DLC1: variants seen among roughly 807,000 people sequenced by gnomAD.
The protein encoded by DLC1 is rho GTPase-activating protein 7.
A neutral mutation model predicts 140.3 loss-of-function variants in DLC1; 54 were observed. That is an observed-to-expected ratio of 0.38 (90% CI 0.31 to 0.48). The LOEUF is 0.48. Ranked by LOEUF, DLC1 falls within the 20% of genes least tolerant of loss-of-function variation. The probability of loss-of-function intolerance (pLI) is 0.96; values close to 1 mark genes in which losing one functional copy is unlikely to be tolerated. For missense variants in DLC1, 2,536 were observed against 1,907.0 expected, an observed-to-expected ratio of 1.33 and a Z score of -6.14; for synonymous variants, 986 against 728.1, an observed-to-expected ratio of 1.35 and a Z score of -5.70.
intron 5 of DLC1, among the ~76,000 whole-genome samples, chr8:13,248,778 A>T (rs978884121): frequency 1.8e-4 from 28 of 151,820 alleles, no homozygotes; most frequent in African/African-American, 6.8e-4. Context: ...TTGAACACGC[A>T]TTCTCCATTC....
intron 5 of DLC1, among the ~76,000 whole-genome samples, chr8:13,293,365 G>A (rs986808414): frequency 3.3e-5 from 5 of 152,200 alleles, no homozygotes; most frequent in African/African-American, 9.6e-5. Flanking sequence ...TGTAAGCTAC[G>A]ATGGCACTGA....
chr8:13,571,917 G>A (rs1219321423), intron 1 of DLC1, among the ~76,000 whole-genome samples: 1 of 152,032 alleles, frequency 6.6e-6, no homozygotes, highest in African/African-American at 2.4e-5. Flanking sequence ...TTGTGGAGTG[G>A]CATCTCATTG....
At chr8:13,234,033 C>A (rs17188488) in intron 5 of DLC1, among the ~76,000 whole-genome samples, 9,320 of 152,176 alleles carry the variant, frequency 0.061, 360 homozygotes, top group South Asian at 0.14. Flanking sequence ...ACAGAGTATG[C>A]ACAAGTCCAT....
intron 1 of DLC1, among the ~76,000 whole-genome samples, chr8:13,596,733 T>C (rs1322566367): frequency 6.6e-6 from 1 of 151,972 alleles, no homozygotes; most frequent in East Asian, 1.9e-4. Flanking sequence ...CCCTGGCATA[T>C]GGGCCTAAAA....
At chr8:13,555,594 C>T (rs886565116) in intron 1 of DLC1, among the ~76,000 whole-genome samples, 1 of 151,966 alleles carries the variant, frequency 6.6e-6, no homozygotes, top group Non-Finnish European at 1.5e-5. Context: ...TGGGTACAAG[C>T]GATTCTCCTG....
chr8:13,245,527 C>T (rs897264157), intron 5 of DLC1, among the ~76,000 whole-genome samples: 4 of 152,184 alleles, frequency 2.6e-5, no homozygotes, highest in Non-Finnish European at 5.9e-5. Flanking sequence ...CTCACCCTCT[C>T]ATTCTTCCTT....
At chr8:13,509,762 G>T (rs1009055152) in intron 1 of DLC1, among the ~76,000 whole-genome samples, 1 of 152,068 alleles carries the variant, frequency 6.6e-6, no homozygotes, top group African/African-American at 2.4e-5. Flanking sequence ...ATACTGGTGG[G>T]CAGGAATTGT....
At chr8:13,219,468 G>T (rs1051815721) in intron 5 of DLC1, among the ~76,000 whole-genome samples, 2 of 96,736 alleles carry the variant, frequency 2.1e-5, no homozygotes, top group Non-Finnish European at 4.4e-5. Context: ...GAATAGAATT[G>T]CTGGGTCATA....
chr8:13,509,942 G>A (rs2117246602), intron 1 of DLC1, among the ~76,000 whole-genome samples: 1 of 152,196 alleles, frequency 6.6e-6, no homozygotes, highest in African/African-American at 2.4e-5. Context: ...TATAATATAT[G>A]TAAAACACTT....
At position 13,438,832 on chromosome 8, in the gene DLC1, A is replaced by G. The variant is rs1839236826; in HGVS notation, c.1024-37213T>C. On this transcript the variant is annotated intron_variant, in intron 2 of 17. Coordinates refer to ENST00000276297, the MANE Select transcript of DLC1 (RefSeq NM_182643.3). ...CCATCCACTCTGATTCACTGCACTT[A>G]TCAAGAGAAACGCAATATCCTTTGC... Among the ~76,000 whole-genome samples, 3 of 152,130 alleles carry G rather than the reference A, an allele frequency of 2.0e-5. No homozygotes were observed. The South Asian group carries it at 6.2e-4, about 32-fold the overall frequency.
At chr8:13,120,356 A>AAAAAAAAAAAAAATATATATAT in intron 5 of DLC1, among the ~76,000 whole-genome samples, 107 of 61,058 alleles carry the variant, frequency 1.8e-3, no homozygotes, top group African/African-American at 4.2e-3. Context: ...AAAAAAAAAA[A>AAAAAAAAAAAAAATATATATAT]ATATATATAT....
At chr8:13,538,016 A>C (rs1803351633) in intron 1 of DLC1, among the ~76,000 whole-genome samples, 1 of 152,154 alleles carries the variant, frequency 6.6e-6, no homozygotes, top group South Asian at 2.1e-4. Context: ...AATTACATCC[A>C]TTACTTTATG....
chr8:13,523,226 G>T (rs990876161), intron 1 of DLC1, among the ~76,000 whole-genome samples: 1 of 152,218 alleles, frequency 6.6e-6, no homozygotes, highest in African/African-American at 2.4e-5. Flanking sequence ...TGGCTCATGT[G>T]AAGGTAATGA....
chr8:13,413,883 T>G (rs1184342274), intron 2 of DLC1, among the ~76,000 whole-genome samples: 1 of 152,126 alleles, frequency 6.6e-6, no homozygotes, highest in Non-Finnish European at 1.5e-5. Context: ...TGTATAGCAA[T>G]GTGAGAACAG....
intron 5 of DLC1, among the ~76,000 whole-genome samples, chr8:13,150,025 G>A (rs1207220494): frequency 6.6e-6 from 1 of 152,212 alleles, no homozygotes; most frequent in Admixed American, 6.5e-5. Context: ...TCAGCCATTT[G>A]TCTCTGAAGG....
Position 13,095,175 on chromosome 8 carries a change from G to A in DLC1, c.3238C>T (p.Leu1080=). Residue 1080 remains leucine, a synonymous_variant, in exon 11 of 18, where the codon CTG becomes TTG. Transcript: ENST00000276297. ...YKDRSVFGVP[L]TVNVQRTGQP... Reference sequence around the variant, plus strand: ...CCTGTGCGCTGCACGTTGACCGTCAGTGGGACCCCAAACACACTCCGGTCC... The same window carrying A: ...CCTGTGCGCTGCACGTTGACCGTCAATGGGACCCCAAACACACTCCGGTCC... 1 of 1,614,254 alleles carries A rather than the reference G, an allele frequency of 6.2e-7. No individual in the cohort carries two copies. Among genetic ancestry groups the A allele is most frequent in the Non-Finnish European group, 8.5e-7 (1 of 1,180,048 alleles).
intron 4 of DLC1, among the ~76,000 whole-genome samples, chr8:13,333,234 T>C (rs1421745347): frequency 1.3e-5 from 2 of 152,212 alleles, no homozygotes; most frequent in African/African-American, 4.8e-5. Flanking sequence ...CTTTCTTTTT[T>C]CTTTTCTTAG....
At chr8:13,233,951 T>G (rs1242927269) in intron 5 of DLC1, among the ~76,000 whole-genome samples, 1 of 152,216 alleles carries the variant, frequency 6.6e-6, no homozygotes, top group East Asian at 1.9e-4. Flanking sequence ...CTCAAAAGTC[T>G]CAACCATTCA....
Position 13,100,267 on chromosome 8 carries a change from C to T in DLC1, c.2070G>A (p.Leu690=). 6.2e-7 allele frequency: 1 copy of T among 1,614,116 alleles called. No individual in the cohort carries two copies. The highest frequency in any genetic ancestry group is 8.5e-7 in the Non-Finnish European group (1 of 1,180,032). ...AGATGGGCCCGCTGATGATCAACCC[C>T]AGCTTTGAGGGCGCTTTGTGCTTGC... ...HHSKHKAPSK[L]GLIISGPILQ... The change falls in exon 9 of 18, where the codon CTG becomes CTA. Residue 690 remains leucine (L), a synonymous_variant. Coordinates refer to ENST00000276297, the MANE Select transcript of DLC1 (RefSeq NM_182643.3).
Sources: allele counts gnomAD v4.1 joint callset (sites outside exome capture counted in the v4.1 genomes callset), GRCh38; gene constraint gnomAD v4.1.1; transcripts MANE v1.5; gene names NCBI Gene and HGNC (gene_info 2026-07-23, HGNC 2026-07-21).